The following OPCML variants were observed in gnomAD, a reference collection of about 807,000 sequenced individuals.
OPCML encodes opioid binding protein/cell adhesion molecule like, also known as opioid-binding protein/cell adhesion molecule.
A neutral mutation model predicts 37.8 loss-of-function variants in OPCML; 13 were observed. The ratio of observed to expected loss-of-function variants is 0.34; its 90% CI spans 0.22 to 0.55. OPCML has a LOEUF of 0.55. Ranked by LOEUF, OPCML falls within the 20% of genes least tolerant of loss-of-function variation. The probability of loss-of-function intolerance (pLI) is 0.91; values close to 1 mark genes in which losing one functional copy is unlikely to be tolerated. For synonymous variants in OPCML, 176 were observed against 168.8 expected, an observed-to-expected ratio of 1.04 and a Z score of -0.33; for missense variants, 341 against 435.6, an observed-to-expected ratio of 0.78 and a Z score of 1.93.
chr11:132,995,895 A>T (rs1946875840), intron 1 of OPCML, among the ~76,000 whole-genome samples: 1 of 152,228 alleles, frequency 6.6e-6, no homozygotes, highest in Non-Finnish European at 1.5e-5. Context: ...AGGAATTAGT[A>T]TTTGTGGAAA....
rs115995232 is a variant in OPCML at position 132,951,177 on chromosome 11, C to T, written c.62-8167G>A. On this transcript the variant is annotated intron_variant, in intron 1 of 7. Coordinates refer to ENST00000524381, the MANE Select transcript of OPCML (RefSeq NM_001012393.5). ...TGCCACCTCTGTAAATGGAGACCACCGTAGCAATGAATCTGTAGAGTACTT... is the reference window on the plus strand; with the variant it reads ...TGCCACCTCTGTAAATGGAGACCACTGTAGCAATGAATCTGTAGAGTACTT... 1.4e-3 allele frequency among the ~76,000 whole-genome samples: 216 copies of T among 152,274 alleles called. 1 individual carries two copies. The highest frequency in any genetic ancestry group is 4.6e-3 in the African/African-American group (192 of 41,562).
intron 1 of OPCML, among the ~76,000 whole-genome samples, chr11:133,100,948 G>A (rs950627265): frequency 6.6e-5 from 10 of 152,012 alleles, no homozygotes; most frequent in Admixed American, 3.9e-4. Flanking sequence ...CTTTTTGAAC[G>A]GAGTCTTGCT....
At chr11:132,891,499 CA>C (rs2136461997) in intron 2 of OPCML, among the ~76,000 whole-genome samples, 1 of 152,026 alleles carries the variant, frequency 6.6e-6, no homozygotes, top group South Asian at 2.1e-4. Context: ...TGCTTATATG[CA>C]AATAAACTAG....
At chr11:133,025,077 T>C in intron 1 of OPCML, 3 of 869,558 alleles carry the variant, frequency 3.5e-6, no homozygotes, top group Non-Finnish European at 4.1e-6. Context: ...AGTATATGTA[T>C]AGATAAGCCT....
At chr11:132,732,547 G>A (rs116413720) in intron 2 of OPCML, among the ~76,000 whole-genome samples, 273 of 152,188 alleles carry the variant, frequency 1.8e-3, no homozygotes, top group African/African-American at 5.9e-3. Context: ...ATCATGAAAC[G>A]GTAGTTAAAA....
At chr11:133,269,200 C>G (rs1308645244) in intron 1 of OPCML, among the ~76,000 whole-genome samples, 2 of 152,150 alleles carry the variant, frequency 1.3e-5, no homozygotes, top group African/African-American at 4.8e-5. Context: ...GCTCTAAATG[C>G]TTTATGTATC....
At chr11:133,132,022 A>T (rs182988231) in intron 1 of OPCML, among the ~76,000 whole-genome samples, 108 of 152,338 alleles carry the variant, frequency 7.1e-4, no homozygotes, top group Middle Eastern at 3.4e-3. Flanking sequence ...AGAAACTTTC[A>T]TAAAACAACA....
chr11:132,757,397 A>G (rs1946092246), intron 2 of OPCML, among the ~76,000 whole-genome samples: 1 of 152,204 alleles, frequency 6.6e-6, no homozygotes, highest in Non-Finnish European at 1.5e-5. Context: ...CAATGGCTGA[A>G]CTAATTTACA....
chr11:132,454,096 G>A (rs1019125390), intron 4 of OPCML, among the ~76,000 whole-genome samples: 1 of 152,178 alleles, frequency 6.6e-6, no homozygotes. Flanking sequence ...GTTTTTGCGG[G>A]GGAAGGTTAA....
At chr11:132,629,368 A>G (rs1162625425) in intron 3 of OPCML, among the ~76,000 whole-genome samples, 2 of 152,206 alleles carry the variant, frequency 1.3e-5, no homozygotes, top group Non-Finnish European at 2.9e-5. Context: ...AGCTGATCAG[A>G]AGATAAATGA....
intron 1 of OPCML, among the ~76,000 whole-genome samples, chr11:133,403,706 G>A (rs1023201630): frequency 6.6e-6 from 1 of 152,130 alleles, no homozygotes; most frequent in African/African-American, 2.4e-5. Context: ...AAAATTGAAA[G>A]GAAATTGGCA....
intron 1 of OPCML, among the ~76,000 whole-genome samples, chr11:133,460,023 T>C (rs1169876043): frequency 6.6e-6 from 1 of 152,050 alleles, no homozygotes; most frequent in Non-Finnish European, 1.5e-5. Flanking sequence ...ACAAATTGTC[T>C]GTTCTTATCA....
chr11:132,888,230 C>A (rs79075830), intron 2 of OPCML, among the ~76,000 whole-genome samples: 1 of 152,156 alleles, frequency 6.6e-6, no homozygotes, highest in Non-Finnish European at 1.5e-5. Context: ...GACGTCTCAC[C>A]CCATACCACA....
chr11:133,496,810 T>C (rs1386160160), intron 1 of OPCML, among the ~76,000 whole-genome samples: 1 of 152,178 alleles, frequency 6.6e-6, no homozygotes, highest in Non-Finnish European at 1.5e-5. Flanking sequence ...GAGGAGTCCT[T>C]AGGGTTTTCA....
rs72145712 is a variant in OPCML, at chr11:132,989,602, C to CGTGTGTGT, written c.62-46600_62-46593dup. 7.9e-5 allele frequency among the ~76,000 whole-genome samples: 11 copies of CGTGTGTGT among 139,564 alleles called. No homozygotes were observed. The East Asian group carries it at 1.3e-3, about 17-fold the overall frequency. 91.6% of individuals were successfully genotyped at this position (139,564 alleles called of 152,430 possible). On this transcript the variant is annotated intron_variant, in intron 1 of 7. Transcript: ENST00000524381. ...GCAGGTTGATGCCAAGGTCCTAGAG[C>CGTGTGTGT]GTGTGTGTGTGTGTGTGTGTGTGTG...
chr11:132,898,424 A>C (rs1943928184), intron 2 of OPCML, among the ~76,000 whole-genome samples: 1 of 152,202 alleles, frequency 6.6e-6, no homozygotes, highest in African/African-American at 2.4e-5. Flanking sequence ...CTCACCTGAC[A>C]GCCAAAGAAG....
At chr11:133,368,157 C>T (rs1232199783) in intron 1 of OPCML, among the ~76,000 whole-genome samples, 5 of 149,362 alleles carry the variant, frequency 3.3e-5, no homozygotes, top group East Asian at 4.0e-4. Flanking sequence ...CTTTGGTTCT[C>T]GTTAGTCCAA....
rs931689438 is a variant in OPCML at position 133,275,952 on chromosome 11, T to C, written c.61+256312A>G. Among the ~76,000 whole-genome samples the C allele has an allele frequency of 3.3e-5, 5 of 152,282 alleles. No homozygotes were observed. In the East Asian group the frequency reaches 5.8e-4, roughly 18 times the overall value. On this transcript the variant is annotated intron_variant, in intron 1 of 7. Transcript: ENST00000524381. ...AATGACTGAATGTATTCATTCAATG[T>C]TGAAGTTGTCCACATCCCCACTAAG... is the stretch of plus-strand genomic sequence containing the variant.
intron 3 of OPCML, among the ~76,000 whole-genome samples, chr11:132,546,555 C>A (rs759500787): frequency 1.3e-5 from 2 of 152,208 alleles, no homozygotes; most frequent in Non-Finnish European, 2.9e-5. Flanking sequence ...AGTAAATCAT[C>A]TTTCCACATA....
Sources: gnomAD v4.1 joint callset for allele counts (sites outside exome capture counted in the v4.1 genomes callset) on GRCh38, gnomAD v4.1.1 for gene constraint, MANE v1.5 for transcripts, NCBI Gene and HGNC (gene_info 2026-07-23, HGNC 2026-07-21) for gene names.